Variants in SAE1 observed in about 807,000 individuals in gnomAD.
SAE1 encodes SUMO1 activating enzyme subunit 1, also known as SUMO-activating enzyme subunit 1.
SAE1 carries 11 observed loss-of-function variants against 40.6 expected under a neutral mutation model. That is an observed-to-expected ratio of 0.27 (90% CI 0.17 to 0.45). The LOEUF (loss-of-function observed/expected upper bound fraction) is 0.45, where lower values mean the gene tolerates loss of function less well. Ranked by LOEUF, SAE1 falls within the 20% of genes least tolerant of loss-of-function variation. SAE1 has a pLI of 1.00. For missense variants in SAE1, 373 were observed against 427.3 expected, an observed-to-expected ratio of 0.87 and a Z score of 1.12; for synonymous variants, 155 against 154.3, an observed-to-expected ratio of 1.00 and a Z score of -0.03.
intron 5 of SAE1, among the ~76,000 whole-genome samples, chr19:47,161,980 TTTAAA>T (rs1257042710): frequency 6.6e-6 from 1 of 152,196 alleles, no homozygotes; most frequent in Non-Finnish European, 1.5e-5. Flanking sequence ...CAGCTGGCTG[TTTAAA>T]TTAATTAAAA....
At chr19:47,133,342 C>T (rs961083577) in intron 1 of SAE1, among the ~76,000 whole-genome samples, 1 of 152,340 alleles carries the variant, frequency 6.6e-6, no homozygotes, top group South Asian at 2.1e-4. Context: ...TCTCCTGCCT[C>T]ACCTTCCTGA....
chr19:47,191,880 C>T (rs2058580315), intron 6 of SAE1, among the ~76,000 whole-genome samples: 1 of 151,826 alleles, frequency 6.6e-6, no homozygotes, highest in Non-Finnish European at 1.5e-5. Context: ...ACGGTGAAAC[C>T]CCGTCTATAC....
chr19:47,181,593 C>T (rs2058506743), intron 6 of SAE1, among the ~76,000 whole-genome samples: 1 of 148,226 alleles, frequency 6.7e-6, no homozygotes, highest in African/African-American at 2.5e-5. Context: ...ATTCTCCTGC[C>T]TCCCCCTCCC....
chr19:47,155,929 C>T (rs1470233675), intron 5 of SAE1, among the ~76,000 whole-genome samples: 6 of 150,818 alleles, frequency 4.0e-5, no homozygotes, highest in East Asian at 3.9e-4. Flanking sequence ...TTAGTAGAGA[C>T]GGGGTTCCAC....
intron 6 of SAE1, among the ~76,000 whole-genome samples, chr19:47,182,177 G>A (rs1362113355): frequency 6.6e-6 from 1 of 151,956 alleles, no homozygotes; most frequent in Non-Finnish European, 1.5e-5. Context: ...TTTAAATGAC[G>A]TTGTCTTTGG....
At chr19:47,164,765 C>T (rs1422978358) in intron 5 of SAE1, among the ~76,000 whole-genome samples, 1 of 149,930 alleles carries the variant, frequency 6.7e-6, no homozygotes, top group Non-Finnish European at 1.5e-5. Flanking sequence ...TCTCCTGCCT[C>T]AGCCTCCTGA....
At chr19:47,192,067 GA>G (rs1439709720) in intron 6 of SAE1, among the ~76,000 whole-genome samples, 22 of 149,496 alleles carry the variant, frequency 1.5e-4, no homozygotes, top group Non-Finnish European at 3.0e-4. Context: ...AAAAAAAAAA[GA>G]AAAAAGAGAG....
intron 6 of SAE1, among the ~76,000 whole-genome samples, chr19:47,174,508 T>C (rs935949557): frequency 2.2e-4 from 34 of 151,342 alleles, no homozygotes; most frequent in African/African-American, 7.8e-4. Flanking sequence ...GCAATTCTCC[T>C]GCCTCAGCCT....
chr19:47,179,889 G>A (rs1371995585), intron 6 of SAE1, among the ~76,000 whole-genome samples: 2 of 151,980 alleles, frequency 1.3e-5, no homozygotes, highest in African/African-American at 4.8e-5. Context: ...ATAGGGGTTA[G>A]CAATTCTGAA....
At chr19:47,205,039 A>C (rs919328905) in intron 8 of SAE1, among the ~76,000 whole-genome samples, 1 of 152,162 alleles carries the variant, frequency 6.6e-6, no homozygotes, top group Non-Finnish European at 1.5e-5. Flanking sequence ...CATACCCCCA[A>C]ATATATTGTA....
chr19:47,136,793 A>G (rs1342049567), intron 1 of SAE1, among the ~76,000 whole-genome samples: 1 of 152,060 alleles, frequency 6.6e-6, no homozygotes, highest in Non-Finnish European at 1.5e-5. Flanking sequence ...CCCGGCCTTC[A>G]CCTGAGTCTT....
At position 47,203,757 on chromosome 19, in the gene SAE1, G is replaced by A; in HGVS notation, c.948+17G>A. 1.9e-6 allele frequency: 3 copies of A among 1,609,492 alleles called. No individual in the cohort carries two copies. Among genetic ancestry groups the A allele is most frequent in the Non-Finnish European group, 2.6e-6 (3 of 1,175,776 alleles). On this transcript the variant is annotated intron_variant, in intron 8 of 8. Transcript: ENST00000270225. ...ATTGTGAAGGTAAAACATCACTGTGGAGCAGAAAATTGTTAACCATGACTT... is the reference window on the plus strand; with the variant it reads ...ATTGTGAAGGTAAAACATCACTGTGAAGCAGAAAATTGTTAACCATGACTT...
In SAE1 at chr19:47,131,142, C is replaced by G. The variant is rs979690754; in HGVS notation, c.98+114C>G. 17 of 1,433,260 alleles carry G rather than the reference C, an allele frequency of 1.2e-5. No individual in the cohort carries two copies. In the Admixed American group the frequency reaches 1.5e-4, roughly 13 times the overall value. The allele number at this position is 1,433,260 out of a possible 1,614,324, so 88.8% of individuals were successfully genotyped here. ...GATTTGAAGGGAGGAGGCGGGAATT[C>G]TGTGCTCTGGGATCGTCTCTCTCTT... is the stretch of plus-strand genomic sequence containing the variant. On this transcript the variant is annotated intron_variant, in intron 1 of 8. Transcript: ENST00000270225.
intron 7 of SAE1, among the ~76,000 whole-genome samples, chr19:47,200,543 T>G (rs2058647165): frequency 6.6e-6 from 1 of 152,006 alleles, no homozygotes; most frequent in Non-Finnish European, 1.5e-5. Flanking sequence ...TAATACTTAT[T>G]TATTTTTGTT....
chr19:47,153,138 A>G (rs1600162440), intron 4 of SAE1, 98 bp downstream of exon 4: 8 of 1,104,532 alleles, frequency 7.2e-6, no homozygotes, highest in Non-Finnish European at 1.0e-5. Flanking sequence ...GACAGGATCT[A>G]TGCTATGTTG....
intron 6 of SAE1, among the ~76,000 whole-genome samples, chr19:47,186,821 C>T (rs1414820067): frequency 2.0e-5 from 3 of 152,058 alleles, no homozygotes; most frequent in Admixed American, 1.3e-4. Flanking sequence ...AGGGGCATTT[C>T]AGAGTAGTCT....
intron 6 of SAE1, chr19:47,180,266 A>G (rs2058497679): frequency 2.2e-6 from 1 of 456,172 alleles, no homozygotes; most frequent in Non-Finnish European, 4.4e-6. Context: ...TTCCTTGGAG[A>G]AATGGCTGTT....
chr19:47,139,427 C>A (rs1460469963), intron 1 of SAE1, among the ~76,000 whole-genome samples: 1 of 152,012 alleles, frequency 6.6e-6, no homozygotes, highest in African/African-American at 2.4e-5. Context: ...CTCAAGTGAT[C>A]CTCATGCCTT....
chr19:47,189,907 G>T (rs933125115), intron 6 of SAE1, among the ~76,000 whole-genome samples: 4 of 152,194 alleles, frequency 2.6e-5, no homozygotes, highest in Admixed American at 2.6e-4. Flanking sequence ...CCAGATTCCC[G>T]TTATAGCGCT....
Sources: allele counts gnomAD v4.1 joint callset (sites outside exome capture counted in the v4.1 genomes callset), GRCh38; gene constraint gnomAD v4.1.1; transcripts MANE v1.5; gene names NCBI Gene and HGNC (gene_info 2026-07-23, HGNC 2026-07-21).